FAT1: variants seen among roughly 807,000 people sequenced by gnomAD.
FAT1 encodes the protein FAT atypical cadherin 1.
In FAT1, 171 loss-of-function variants were observed where a neutral mutation model predicts 329.8. The observed-to-expected ratio is 0.52, with a 90% CI of 0.46 to 0.59. The LOEUF is 0.59. FAT1 is among the 20% of genes least tolerant of loss of function. FAT1 has a pLI of 0.00. For synonymous variants in FAT1, 2,233 were observed against 2,228.6 expected (o/e 1.00, Z -0.06); for missense variants, 5,672 against 5,774.4 (o/e 0.98, Z 0.57).
In FAT1 at chr4:186,620,444, C is replaced by G. The variant is rs2126515735; in HGVS notation, c.6142G>C (p.Asp2048His). The change falls in exon 10 of 27, where the codon GAT (aspartate) becomes CAT (histidine). Residue 2048 changes from aspartate (D) to histidine (H), a missense_variant. By Grantham distance (81) the Asp-to-His change is moderately conservative. Transcript: ENST00000441802. ...TCCTCTGTCACTTCTACAACCACAT[C>G]AAACGCCTCCTGCTGCTCACGATCG... is the stretch of plus-strand genomic sequence containing the variant. ...PFDREQQEAF[D>H]VVVEVTEEHK... 1 of 1,614,054 alleles carries G rather than the reference C, an allele frequency of 6.2e-7. No homozygotes were observed. Among genetic ancestry groups the G allele is most frequent in the Non-Finnish European group, 8.5e-7 (1 of 1,179,902 alleles).
intron 14 of FAT1, among the ~76,000 whole-genome samples, chr4:186,610,659 AAAT>A (rs1268927104): frequency 3.5e-5 from 3 of 85,660 alleles, no homozygotes; most frequent in Admixed American, 2.8e-4. Context: ...ATATAAATAT[AAAT>A]TATATAATTT....
chr4:186,625,180 T>C (rs1395255349), intron 9 of FAT1, among the ~76,000 whole-genome samples: 1 of 152,230 alleles, frequency 6.6e-6, no homozygotes, highest in Non-Finnish European at 1.5e-5. Context: ...GTTTAACATT[T>C]TCTCCTACAT....
chr4:186,702,468 A>C (rs940422617), intron 2 of FAT1, among the ~76,000 whole-genome samples: 1 of 152,006 alleles, frequency 6.6e-6, no homozygotes, highest in African/African-American at 2.4e-5. Flanking sequence ...AAGAGAACCA[A>C]ACTACTCTAG....
In FAT1 at chr4:186,633,413, C is replaced by T. The variant is rs569278789; in HGVS notation, c.4323+271G>A. 1.1e-3 allele frequency among the ~76,000 whole-genome samples: 172 copies of T among 152,190 alleles called. 1 individual carries two copies. The highest frequency in any genetic ancestry group is 2.1e-3 in the Non-Finnish European group (141 of 68,018). ...CATAGTTTAAAATGAGTGTAAAATT[C>T]GAAGATTTTGATGGTATAACGTTGG... is the stretch of plus-strand genomic sequence containing the variant. On this transcript the variant is annotated intron_variant, in intron 7 of 26. Transcript: ENST00000441802.
At chr4:186,598,481 T>A (rs534082606) in intron 22 of FAT1, 1 of 170,836 alleles carries the variant, frequency 5.9e-6, no homozygotes, top group East Asian at 1.6e-4. Context: ...AAGGATTAAA[T>A]GAGAAAATAA....
rs778815135 is a variant in FAT1, at chr4:186,595,693, G to C, written c.13134C>G (p.Asp4378Glu). The C allele has an allele frequency of 2.5e-6, 4 of 1,613,942 alleles. No homozygotes were observed. In the South Asian group the frequency reaches 3.3e-5, roughly 13 times the overall value. The change falls in exon 26 of 27, where the codon GAC becomes GAG. Residue 4378 changes from aspartate to glutamate, a missense_variant. Coordinates refer to ENST00000441802, the MANE Select transcript of FAT1 (RefSeq NM_005245.4). ...LSSFQSESCD[D>E]NGYHWDTSDW... ...TGCAGCACACTGCTGCCTCACCATTGTCATCGCACGATTCGGACTGGAAGG... is the reference window on the plus strand; with the variant it reads ...TGCAGCACACTGCTGCCTCACCATTCTCATCGCACGATTCGGACTGGAAGG...
At chr4:186,612,983 A>T (rs1739522783) in intron 13 of FAT1, 126 bp downstream of exon 13, 3 of 608,678 alleles carry the variant, frequency 4.9e-6, no homozygotes, top group Admixed American at 3.0e-5. Flanking sequence ...TCCTTCCACA[A>T]GGAAGGGCTA....
At chr4:186,678,889 G>T (rs571218857) in intron 2 of FAT1, among the ~76,000 whole-genome samples, 40 of 152,146 alleles carry the variant, frequency 2.6e-4, no homozygotes, top group Middle Eastern at 3.4e-3. Context: ...AAAGACACAT[G>T]CACATATATG....
At position 186,597,145 on chromosome 4, in the gene FAT1, G is replaced by A. The variant is rs2126395664; in HGVS notation, c.12395C>T (p.Ser4132Phe). The part of the protein sequence containing the change: ...ERCQSDIDEC[S>F]GNPCLHGALC... The stretch of plus-strand genomic sequence containing the variant: ...GGCCCCGTGCAGGCAAGGGTTTCCA[G>A]AGCACTCGTCGATATCACTCTGACA... Residue 4132 changes from serine (S) to phenylalanine (F), a missense_variant, in exon 25 of 27, where the codon TCT (serine) becomes TTT (phenylalanine). This residue lies in a region of FAT1 where 1,706 missense variants were observed against 1,859.1 expected (regional missense o/e 0.92). Transcript: ENST00000441802. 6.2e-7 allele frequency: 1 copy of A among 1,612,240 alleles called. No homozygotes were observed. The highest frequency in any genetic ancestry group is 1.1e-5 in the South Asian group (1 of 90,750).
At position 186,588,196 on chromosome 4, in the gene FAT1, C is replaced by T. The variant is rs1242849359; in HGVS notation, c.*396G>A. 4.3e-6 allele frequency: 1 copy of T among 233,662 alleles called. No homozygotes were observed. The highest frequency in any genetic ancestry group is 8.4e-6 in the Non-Finnish European group (1 of 119,174). 14.5% of individuals were successfully genotyped at this position (233,662 alleles called of 1,614,324 possible). ...CACCAAAATTCAGTTGAAACAAATG[C>T]ACAAAATATCTTGGAAATCTAGTTA... On this transcript the variant is annotated 3_prime_UTR_variant, in exon 27 of 27. Transcript: ENST00000441802.
At chr4:186,676,843 A>T (rs926194446) in intron 2 of FAT1, among the ~76,000 whole-genome samples, 1 of 152,230 alleles carries the variant, frequency 6.6e-6, no homozygotes, top group Admixed American at 6.5e-5. Flanking sequence ...TAAACAGATT[A>T]TAAATACAGA....
At position 186,682,526 on chromosome 4, in the gene FAT1, C is replaced by CAAAAAAAAAAAAAAAAAAA. The variant is rs10561120; in HGVS notation, c.3266-18914_3266-18913insTTTTTTTTTTTTTTTTTTT. 5.3e-3 allele frequency among the ~76,000 whole-genome samples: 636 copies of CAAAAAAAAAAAAAAAAAAA among 119,560 alleles called. 22 individuals carry two copies. The highest frequency in any genetic ancestry group is 0.014 in the African/African-American group (360 of 25,298). The allele number at this position is 119,560 out of a possible 152,430, so 78.4% of individuals were successfully genotyped here. A position where few individuals can be genotyped will look rare whatever the true frequency, so the allele number is the denominator to read the frequency against. The stretch of plus-strand genomic sequence containing the variant: ...TGAGTGAAAGAGCGAGACTCTGTCT[C>CAAAAAAAAAAAAAAAAAAA]AAAAAAAAAAAAAAAAAAGAAAGTT... On this transcript the variant is annotated intron_variant, in intron 2 of 26. Coordinates refer to ENST00000441802, the MANE Select transcript of FAT1 (RefSeq NM_005245.4).
chr4:186,636,581 T>C lies in FAT1; in HGVS notation c.3972+4A>G, dbSNP rs2126562439. 1 of 1,598,172 alleles carries C rather than the reference T, an allele frequency of 6.3e-7. No individual in the cohort carries two copies. Among genetic ancestry groups the C allele is most frequent in the Non-Finnish European group, 8.5e-7 (1 of 1,172,682 alleles). ...AAAATTACAGTACTACAATCTTAAC[T>C]CACTGAAAGAATATCATATTCTCCA... On this transcript the variant is annotated splice_donor_region_variant and intron_variant, in intron 5 of 26. Transcript: ENST00000441802.
chr4:186,711,087 T>C (rs1038200996), intron 1 of FAT1, among the ~76,000 whole-genome samples: 2 of 152,230 alleles, frequency 1.3e-5, no homozygotes, highest in African/African-American at 4.8e-5. Context: ...AAAATGTGAA[T>C]GCTACCAGAG....
chr4:186,675,012 C>A (rs1049824458), intron 2 of FAT1, among the ~76,000 whole-genome samples: 1 of 152,062 alleles, frequency 6.6e-6, no homozygotes. Flanking sequence ...CAAGCCTGGG[C>A]AACAGAGTGA....
intron 2 of FAT1, among the ~76,000 whole-genome samples, 183 bp from the exon 3 acceptor site, chr4:186,663,796 T>C (rs1194676118): frequency 1.3e-5 from 2 of 152,094 alleles, no homozygotes; most frequent in South Asian, 2.1e-4. Flanking sequence ...GAGACAATAA[T>C]AGTATATTCA....
chr4:186,627,365 G>T (rs1740361642), intron 9 of FAT1, among the ~76,000 whole-genome samples: 1 of 152,182 alleles, frequency 6.6e-6, no homozygotes, highest in Non-Finnish European at 1.5e-5. Context: ...AGCTTCATCA[G>T]CCCACAGAAT....
chr4:186,635,886 A>G (rs1740794446), intron 6 of FAT1, 139 bp downstream of exon 6: 1 of 707,878 alleles, frequency 1.4e-6, no homozygotes. Flanking sequence ...TCAAAATATT[A>G]TAGTTGAAAG....
At chr4:186,714,353 G>A (rs538733072) in intron 1 of FAT1, among the ~76,000 whole-genome samples, 1 of 152,236 alleles carries the variant, frequency 6.6e-6, no homozygotes, top group East Asian at 1.9e-4. Flanking sequence ...AGAACAAGGG[G>A]GCCAGGAACC....
Sources: allele counts gnomAD v4.1 joint callset (sites outside exome capture counted in the v4.1 genomes callset), GRCh38; gene constraint gnomAD v4.1.1; regional missense constraint gnomAD v4.1.1; transcripts MANE v1.5; gene names NCBI Gene and HGNC (gene_info 2026-07-23, HGNC 2026-07-21).